The following TBC1D5 variants were observed in gnomAD, a reference collection of about 807,000 sequenced individuals.
TBC1D5 encodes the protein TBC1 domain family, member 5.
TBC1D5 carries 75 observed loss-of-function variants against 100.3 expected under a neutral mutation model. The observed-to-expected ratio is 0.75, with a 90% CI of 0.62 to 0.91. The LOEUF is 0.91. Ranked by LOEUF, TBC1D5 falls within the 40% of genes least tolerant of loss-of-function variation. The pLI, the probability that TBC1D5 is intolerant of heterozygous loss-of-function variation, is 0.00. For missense variants in TBC1D5, 910 were observed against 942.4 expected (o/e 0.97, Z 0.45); for synonymous variants, 323 against 325.6 (o/e 0.99, Z 0.09).
At chr3:17,585,823 T>A (rs550939723) in intron 2 of TBC1D5, among the ~76,000 whole-genome samples, 2 of 152,320 alleles carry the variant, frequency 1.3e-5, no homozygotes, top group East Asian at 1.9e-4. Flanking sequence ...CATTTATACC[T>A]ATAGGACTCG....
chr3:17,445,818 C>A (rs978963683), intron 3 of TBC1D5, among the ~76,000 whole-genome samples: 5 of 152,132 alleles, frequency 3.3e-5, no homozygotes, highest in Non-Finnish European at 5.9e-5. Flanking sequence ...TTTCAGGGAT[C>A]CACTTCAAGT....
At chr3:17,548,717 C>T (rs1479806147) in intron 2 of TBC1D5, among the ~76,000 whole-genome samples, 1 of 151,992 alleles carries the variant, frequency 6.6e-6, no homozygotes, top group East Asian at 1.9e-4. Context: ...ATGATTAAAG[C>T]TCTAAACAAG....
chr3:17,604,770 G>A (rs1027378112), intron 2 of TBC1D5, among the ~76,000 whole-genome samples: 1 of 152,146 alleles, frequency 6.6e-6, no homozygotes, highest in African/African-American at 2.4e-5. Flanking sequence ...CACTTCCAGG[G>A]TTCAAGCAAT....
chr3:17,510,398 A>G (rs2095890824), intron 2 of TBC1D5, among the ~76,000 whole-genome samples: 1 of 152,042 alleles, frequency 6.6e-6, no homozygotes, highest in Non-Finnish European at 1.5e-5. Flanking sequence ...AATTGTGGCT[A>G]AAACAATATA....
intron 1 of TBC1D5, among the ~76,000 whole-genome samples, chr3:17,728,142 C>T (rs1293040791): frequency 6.6e-6 from 1 of 152,000 alleles, no homozygotes; most frequent in Non-Finnish European, 1.5e-5. Flanking sequence ...ACACGCATAC[C>T]CACACACCCT....
rs183651145 is a variant in TBC1D5, at chr3:17,265,433, C to T, written c.1246-6842G>A. ...AGATTACAAAAGGGGAAAAATAAAG[C>T]TCTGAAGGAGAAACAGCACTGTAAA... On this transcript the variant is annotated intron_variant, in intron 15 of 21. Coordinates refer to ENST00000253692, the Ensembl canonical transcript of TBC1D5. Among the ~76,000 whole-genome samples, 36 of 152,044 alleles carry T rather than the reference C, an allele frequency of 2.4e-4. No homozygotes were observed. In the East Asian group the frequency reaches 6.9e-3, roughly 29 times the overall value.
chr3:17,469,545 A>G (rs757671736), intron 3 of TBC1D5, among the ~76,000 whole-genome samples: 29 of 152,218 alleles, frequency 1.9e-4, no homozygotes, highest in Non-Finnish European at 4.0e-4. Context: ...TAAGATTTAC[A>G]AAGTTATTGA....
At chr3:17,196,734 T>C (rs569129151) in intron 18 of TBC1D5, among the ~76,000 whole-genome samples, 2 of 152,342 alleles carry the variant, frequency 1.3e-5, no homozygotes, top group Middle Eastern at 3.4e-3. Flanking sequence ...GTTTGTTACT[T>C]GAGAACAAGA....
chr3:17,354,894 G>A lies in TBC1D5; in HGVS notation c.995+17181C>T, dbSNP rs1178381457. Among the ~76,000 whole-genome samples the A allele has an allele frequency of 2.6e-5, 4 of 151,896 alleles. No homozygotes were observed. The East Asian group carries it at 5.8e-4, about 22-fold the overall frequency. ...ATATAGGCAAGCAGAGAATGCACAC[G>A]GACAAATTCAGTATGCATACAATTT... On this transcript the variant is annotated intron_variant, in intron 13 of 21. Coordinates refer to ENST00000253692, the Ensembl canonical transcript of TBC1D5.
intron 13 of TBC1D5, among the ~76,000 whole-genome samples, chr3:17,370,673 AG>A (rs1359105224): frequency 6.6e-6 from 1 of 152,194 alleles, no homozygotes; most frequent in African/African-American, 2.4e-5. Context: ...GGGCTTCCAG[AG>A]AAGAAAAACA....
At chr3:17,187,725 C>G (rs1340322953) in intron 18 of TBC1D5, among the ~76,000 whole-genome samples, 1 of 152,188 alleles carries the variant, frequency 6.6e-6, no homozygotes, top group Non-Finnish European at 1.5e-5. Flanking sequence ...GAGTCTAGAA[C>G]TGTACCGAAG....
Position 17,406,413 on chromosome 3 carries a change from C to G in TBC1D5, c.276+5G>C, listed in dbSNP as rs759844221. ...AGAAACTGTAAATAAATATTTTCTT[C>G]TTACCTTCCAGCAAATGCTGCGGAA... On this transcript the variant is annotated splice_donor_5th_base_variant and intron_variant, in intron 5 of 21. Transcript: ENST00000253692. The G allele has an allele frequency of 5.6e-6, 9 of 1,604,066 alleles. No individual in the cohort carries two copies. The highest frequency in any genetic ancestry group is 3.3e-4 in the Middle Eastern group (2 of 6,016).
At chr3:17,170,569 C>T (rs1190453898) in intron 19 of TBC1D5, among the ~76,000 whole-genome samples, 1 of 152,202 alleles carries the variant, frequency 6.6e-6, no homozygotes, top group African/African-American at 2.4e-5. Context: ...GATGTGGCCA[C>T]ATTGCCTGGC....
At chr3:17,354,101 T>C (rs1191552344) in intron 13 of TBC1D5, among the ~76,000 whole-genome samples, 26 of 152,084 alleles carry the variant, frequency 1.7e-4, no homozygotes, top group Admixed American at 1.7e-3. Flanking sequence ...CATGGGCACA[T>C]TACTCTTTCA....
intron 1 of TBC1D5, among the ~76,000 whole-genome samples, chr3:17,705,504 A>G (rs1284961592): frequency 1.4e-5 from 2 of 147,206 alleles, no homozygotes; most frequent in Admixed American, 6.7e-5. Context: ...GGTGGTTGCC[A>G]GGCGGAGGGT....
intron 16 of TBC1D5, among the ~76,000 whole-genome samples, chr3:17,246,543 G>A (rs1332552305): frequency 1.3e-5 from 2 of 152,202 alleles, no homozygotes; most frequent in Non-Finnish European, 2.9e-5. Context: ...ATATGATTAA[G>A]CCACTGTGTT....
chr3:17,239,637 T>C (rs1194755279), intron 16 of TBC1D5, among the ~76,000 whole-genome samples: 1 of 152,186 alleles, frequency 6.6e-6, no homozygotes, highest in Non-Finnish European at 1.5e-5. Context: ...CTATTCTTAT[T>C]TGACTCTACC....
At chr3:17,525,781 T>TTTTTTTTTTTTTTTTTTTTTTTTGAGACG (rs1480570774) in intron 2 of TBC1D5, among the ~76,000 whole-genome samples, 1 of 151,344 alleles carries the variant, frequency 6.6e-6, no homozygotes, top group African/African-American at 2.5e-5. Context: ...TCTGTTTTCT[T>TTTTTTTTTTTTTTTTTTTTTTTTGAGACG]GAATAACAAG....
At chr3:17,513,553 C>T (rs909186954) in intron 2 of TBC1D5, among the ~76,000 whole-genome samples, 3 of 152,172 alleles carry the variant, frequency 2.0e-5, no homozygotes, top group African/African-American at 7.2e-5. Context: ...AATACTTAGG[C>T]ACAGAATCAG....
Sources: gnomAD v4.1 joint callset for allele counts (sites outside exome capture counted in the v4.1 genomes callset) on GRCh38, gnomAD v4.1.1 for gene constraint, MANE v1.5 for transcripts, NCBI Gene and HGNC (gene_info 2026-07-23, HGNC 2026-07-21) for gene names.